Variants in PTER observed in about 807,000 individuals in gnomAD.
PTER encodes phosphotriesterase related.
Under a neutral mutation model 29.6 loss-of-function variants are expected in PTER, and 38 were observed. That is an observed-to-expected ratio of 1.28 (90% CI 0.99 to 1.68). The LOEUF (loss-of-function observed/expected upper bound fraction) is 1.68. Ranked by LOEUF, PTER falls within the 40% of genes most tolerant of loss-of-function variation. PTER has a pLI of 0.00. For missense variants in PTER, 482 were observed against 427.8 expected (o/e 1.13, Z -1.12); for synonymous variants, 172 against 154.5 (o/e 1.11, Z -0.84).
At chr10:16,470,393 C>T (rs1835001913) in intron 1 of PTER, among the ~76,000 whole-genome samples, 1 of 152,264 alleles carries the variant, frequency 6.6e-6, no homozygotes, top group South Asian at 2.1e-4. Context: ...ACATCTTACA[C>T]TTATTAACTG....
intron 1 of PTER, among the ~76,000 whole-genome samples, chr10:16,477,561 C>T (rs1035848494): frequency 6.6e-6 from 1 of 152,144 alleles, no homozygotes; most frequent in African/African-American, 2.4e-5. Flanking sequence ...ATATCCATTT[C>T]AAGCTAAAGG....
chr10:16,515,547 G>T (rs1159208759), downstream of PTER, among the ~76,000 whole-genome samples: 1 of 152,104 alleles, frequency 6.6e-6, no homozygotes. Context: ...CTAAATATGT[G>T]GCTTGATTTG....
chr10:16,456,632 T>C (rs1281067134), intron 1 of PTER, among the ~76,000 whole-genome samples: 2 of 152,164 alleles, frequency 1.3e-5, no homozygotes, highest in Non-Finnish European at 2.9e-5. Context: ...CCACCTTCCA[T>C]TCTCTCCACT....
chr10:16,447,152 G>A (rs1834045007), intron 1 of PTER, among the ~76,000 whole-genome samples: 1 of 145,880 alleles, frequency 6.9e-6, no homozygotes. Flanking sequence ...CCAGGCTGGA[G>A]TGCAGTGGTG....
rs556159610 is a variant in PTER, at chr10:16,454,881, A to G, written c.-49+17834A>G. The stretch of plus-strand genomic sequence containing the variant: ...ATAAAAGCTGATAATCAAATGTAAT[A>G]AAAGAACATTTTCATATTAATGCAT... On this transcript the variant is annotated intron_variant, in intron 1 of 4. Coordinates refer to ENST00000535784, the MANE Select transcript of PTER (RefSeq NM_001261836.2). Among the ~76,000 whole-genome samples the G allele has an allele frequency of 6.6e-4, 101 of 152,306 alleles. 1 individual carries two copies. Among genetic ancestry groups the G allele is most frequent in the African/African-American group, 2.3e-3 (94 of 41,566 alleles).
intron 1 of PTER, among the ~76,000 whole-genome samples, chr10:16,465,125 T>C (rs1834760981): frequency 6.6e-6 from 1 of 152,116 alleles, no homozygotes; most frequent in Non-Finnish European, 1.5e-5. Flanking sequence ...AAGATAAGAT[T>C]TGGGTGGGGA....
At chr10:16,451,371 C>G (rs1834202908) in intron 1 of PTER, among the ~76,000 whole-genome samples, 1 of 152,190 alleles carries the variant, frequency 6.6e-6, no homozygotes, top group Non-Finnish European at 1.5e-5. Context: ...TTCAGTCCAT[C>G]AAGTTGACAC....
rs1445272239 is a variant in PTER at position 16,486,541 on chromosome 10, G to T, written c.622G>T (p.Ala208Ser). The change falls in exon 3 of 5, where the codon GCA becomes TCA. Residue 208 changes from alanine (A) to serine (S), a missense_variant. Coordinates refer to ENST00000535784, the MANE Select transcript of PTER (RefSeq NM_001261836.2). ...VIIHPGRSSR[A>S]PFQIIRILQE... ...TATCCATCCTGGACGGAGCTCCAGG[G>T]CACCATTTCAGATTATCCGAATATT... 2 of 1,613,948 alleles carry T rather than the reference G, an allele frequency of 1.2e-6. No homozygotes were observed. Among genetic ancestry groups the T allele is most frequent in the South Asian group, 2.2e-5 (2 of 91,072 alleles).
chr10:16,517,629 C>T (rs1275196248), downstream of PTER, among the ~76,000 whole-genome samples: 1 of 152,100 alleles, frequency 6.6e-6, no homozygotes, highest in Non-Finnish European at 1.5e-5. Context: ...GGGCTTTCAA[C>T]AAATGGTAGG....
chr10:16,437,838 T>C (rs1329805507), intron 1 of PTER, among the ~76,000 whole-genome samples: 1 of 152,098 alleles, frequency 6.6e-6, no homozygotes, highest in African/African-American at 2.4e-5. Flanking sequence ...CAGTGTGCTG[T>C]TACTCTCTTA....
intron 3 of PTER, among the ~76,000 whole-genome samples, chr10:16,503,010 AT>A (rs1281337663): frequency 1.3e-5 from 2 of 148,176 alleles, no homozygotes; most frequent in African/African-American, 5.0e-5. Flanking sequence ...AAAAAAAAAA[AT>A]CTCTGAAAAT....
At chr10:16,461,876 C>CT (rs1588595086) in intron 1 of PTER, among the ~76,000 whole-genome samples, 1 of 152,080 alleles carries the variant, frequency 6.6e-6, no homozygotes, top group East Asian at 1.9e-4. Context: ...CTTTTTAAGA[C>CT]TTGAGTGATA....
rs748847323 is a variant in PTER, at chr10:16,486,546, A to G, written c.627A>G (p.Pro209=). The change falls in exon 3 of 5, where the codon CCA becomes CCG. Residue 209 remains proline (P), a synonymous_variant. Coordinates refer to ENST00000535784, the MANE Select transcript of PTER (RefSeq NM_001261836.2). ...ATCCTGGACGGAGCTCCAGGGCACC[A>G]TTTCAGATTATCCGAATATTGCAAG... ...IIHPGRSSRA[P]FQIIRILQEA... 8.1e-6 allele frequency: 13 copies of G among 1,613,860 alleles called. No individual in the cohort carries two copies.
In PTER at chr10:16,511,382, A is replaced by T; in HGVS notation, c.*126A>T. 1.1e-6 allele frequency: 1 copy of T among 895,080 alleles called. No individual in the cohort carries two copies. Among genetic ancestry groups the T allele is most frequent in the Non-Finnish European group, 1.7e-6 (1 of 575,794 alleles). The allele number at this position is 895,080 out of a possible 1,614,324, so 55.4% of individuals were successfully genotyped here. A position where few individuals can be genotyped will look rare whatever the true frequency, so the allele number is the denominator to read the frequency against. On this transcript the variant is annotated 3_prime_UTR_variant, in exon 5 of 5. Coordinates refer to ENST00000535784, the MANE Select transcript of PTER (RefSeq NM_001261836.2). Reference sequence around the variant, plus strand: ...TGACAGATCATTTCCTTCTGATGAGAACTAGGAGGGTTTGCCTTCTCTGAG... The same window carrying T: ...TGACAGATCATTTCCTTCTGATGAGTACTAGGAGGGTTTGCCTTCTCTGAG...
At chr10:16,473,175 C>G (rs535183390) in intron 1 of PTER, among the ~76,000 whole-genome samples, 15 of 152,100 alleles carry the variant, frequency 9.9e-5, no homozygotes, top group African/African-American at 3.4e-4. Context: ...TCAAATGAGT[C>G]TCACTGATGC....
intron 1 of PTER, among the ~76,000 whole-genome samples, chr10:16,459,162 C>T (rs1041485039): frequency 2.6e-5 from 4 of 152,118 alleles, no homozygotes; most frequent in African/African-American, 7.2e-5. Context: ...TTTTAAAACC[C>T]ACTTAGTGAT....
intron 1 of PTER, among the ~76,000 whole-genome samples, chr10:16,445,797 A>G (rs557466793): frequency 6.6e-6 from 1 of 152,210 alleles, no homozygotes; most frequent in African/African-American, 2.4e-5. Context: ...GACACCAAGG[A>G]AGCCATGCTG....
chr10:16,467,252 A>C (rs1044007884), intron 1 of PTER, among the ~76,000 whole-genome samples: 1 of 152,228 alleles, frequency 6.6e-6, no homozygotes, highest in Admixed American at 6.5e-5. Context: ...CTTCTATTTT[A>C]TTATTAGTTA....
chr10:16,467,861 G>C (rs897847723), intron 1 of PTER, among the ~76,000 whole-genome samples: 2 of 152,098 alleles, frequency 1.3e-5, no homozygotes, highest in African/African-American at 2.4e-5. Flanking sequence ...GGAGTGTGAA[G>C]ATACAGGAAA....
Sources: allele counts gnomAD v4.1 joint callset (sites outside exome capture counted in the v4.1 genomes callset), GRCh38; gene constraint gnomAD v4.1.1; transcripts MANE v1.5; gene names NCBI Gene and HGNC (gene_info 2026-07-23, HGNC 2026-07-21).